The following ATP9B variants were observed in gnomAD, a reference collection of about 807,000 sequenced individuals.
The protein encoded by ATP9B is probable phospholipid-transporting ATPase IIB.
A neutral mutation model predicts 146.1 loss-of-function variants in ATP9B; 110 were observed. That is an observed-to-expected ratio of 0.75 (90% CI 0.65 to 0.88). ATP9B has a LOEUF of 0.88. Ranked by LOEUF, ATP9B falls within the 40% of genes least tolerant of loss-of-function variation. The pLI, the probability that ATP9B is intolerant of heterozygous loss-of-function variation, is 0.00. For missense variants in ATP9B, 1,499 were observed against 1,496.4 expected (o/e 1.00, Z -0.03); for synonymous variants, 604 against 569.7 (o/e 1.06, Z -0.86).
intron 19 of ATP9B, 85 bp downstream of exon 19, chr18:79,337,534 T>G: frequency 6.6e-7 from 1 of 1,513,230 alleles, no homozygotes; most frequent in Non-Finnish European, 8.8e-7. Context: ...TTTGTGAAAC[T>G]CCTGTGGGGT....
chr18:79,301,824 A>G (rs1599777225), intron 13 of ATP9B, among the ~76,000 whole-genome samples: 1 of 152,344 alleles, frequency 6.6e-6, no homozygotes, highest in East Asian at 1.9e-4. Flanking sequence ...GGAATTTTTA[A>G]AACTTTATTA....
intron 4 of ATP9B, among the ~76,000 whole-genome samples, chr18:79,118,120 T>C (rs2147086436): frequency 6.6e-6 from 1 of 152,298 alleles, no homozygotes; most frequent in Non-Finnish European, 1.5e-5. Flanking sequence ...AAGGAGACTT[T>C]GGGGTCGTTT....
In ATP9B at chr18:79,376,257, A is replaced by G. The variant is rs1034015384; in HGVS notation, c.3307+831A>G. On this transcript the variant is annotated intron_variant, in intron 29 of 29. Transcript: ENST00000426216. ...TGGCTAGCCTAGATCGTCCAAACAA[A>G]TCCCACAGGTTAGGTGAGCTGGTGT... is the stretch of plus-strand genomic sequence containing the variant. 4 of 984,570 alleles carry G rather than the reference A, an allele frequency of 4.1e-6. No individual in the cohort carries two copies. The African/African-American group carries it at 7.0e-5, about 17-fold the overall frequency. 61.0% of individuals were successfully genotyped at this position (984,570 alleles called of 1,614,324 possible).
intron 13 of ATP9B, among the ~76,000 whole-genome samples, chr18:79,288,827 C>T (rs2096470904): frequency 6.6e-6 from 1 of 152,136 alleles, no homozygotes; most frequent in East Asian, 1.9e-4. Context: ...CAAAATCTCT[C>T]AGCATTTGCT....
intron 13 of ATP9B, among the ~76,000 whole-genome samples, chr18:79,289,803 T>C (rs369376440): frequency 6.6e-6 from 1 of 152,224 alleles, no homozygotes; most frequent in Non-Finnish European, 1.5e-5. Flanking sequence ...GTGGATGTCC[T>C]TTCTGTTTGT....
chr18:79,209,794 C>T lies in ATP9B; in HGVS notation c.1030+2782C>T, dbSNP rs541150663. On this transcript the variant is annotated intron_variant, in intron 10 of 29. Coordinates refer to ENST00000426216, the MANE Select transcript of ATP9B (RefSeq NM_198531.5). ...TTAATTTCAGCTCTTTTAGTACATA[C>T]ATATCTTTATTTAAAAGCCTTGTTA... 41 of 492,826 alleles carry T rather than the reference C, an allele frequency of 8.3e-5. No individual in the cohort carries two copies. In the African/African-American group the frequency reaches 8.6e-4, roughly 10 times the overall value. The allele number at this position is 492,826 out of a possible 1,614,324, so 30.5% of individuals were successfully genotyped here.
intron 13 of ATP9B, chr18:79,300,029 A>G (rs926606568): frequency 6.6e-6 from 1 of 152,252 alleles, no homozygotes; most frequent in Admixed American, 6.5e-5. Flanking sequence ...ACTAAAAGCA[A>G]CGTACTAGAA....
intron 16 of ATP9B, among the ~76,000 whole-genome samples, chr18:79,329,684 A>T (rs2096779862): frequency 6.6e-6 from 1 of 152,218 alleles, no homozygotes. Flanking sequence ...AAACACCAAA[A>T]TCATATCTTG....
Position 79,377,363 on chromosome 18 carries a change from T to A in ATP9B, c.3424T>A (p.Tyr1142Asn). 6.2e-7 allele frequency: 1 copy of A among 1,609,458 alleles called. No homozygotes were observed. The highest frequency in any genetic ancestry group is 8.5e-7 in the Non-Finnish European group (1 of 1,179,986). ...GAGGCGCAAGCTCTCTCCTCCCAGC[T>A]ACTGCAAGCTGGCCTCCTAAGGGGC... ...YLRRKLSPPS[Y>N]CKLAS The change falls in exon 30 of 30, where the codon TAC (tyrosine) becomes AAC (asparagine). Residue 1142 changes from tyrosine (Y) to asparagine (N), a missense_variant. Coordinates refer to ENST00000426216, the MANE Select transcript of ATP9B (RefSeq NM_198531.5).
intron 12 of ATP9B, among the ~76,000 whole-genome samples, chr18:79,265,090 T>C (rs1470184139): frequency 6.6e-6 from 1 of 152,186 alleles, no homozygotes; most frequent in Non-Finnish European, 1.5e-5. Flanking sequence ...CAGGCCCCAG[T>C]GTGCGTTGTT....
At chr18:79,261,730 GA>G (rs1401186827) in intron 12 of ATP9B, among the ~76,000 whole-genome samples, 1 of 152,146 alleles carries the variant, frequency 6.6e-6, no homozygotes, top group East Asian at 1.9e-4. Flanking sequence ...GTAGCGTCAG[GA>G]AGGGTGAGAT....
At chr18:79,285,485 T>C (rs2096428312) in intron 13 of ATP9B, among the ~76,000 whole-genome samples, 1 of 152,182 alleles carries the variant, frequency 6.6e-6, no homozygotes, top group South Asian at 2.1e-4. Flanking sequence ...TCTTGTAAAT[T>C]TATTTGAGTT....
chr18:79,216,405 C>G (rs1217724736), intron 11 of ATP9B, among the ~76,000 whole-genome samples: 1 of 152,234 alleles, frequency 6.6e-6, no homozygotes, highest in Non-Finnish European at 1.5e-5. Flanking sequence ...CCACCCTCCC[C>G]TCTCTGAAGT....
chr18:79,215,512 C>T (rs1026848112), intron 11 of ATP9B, among the ~76,000 whole-genome samples: 4 of 138,604 alleles, frequency 2.9e-5, no homozygotes, highest in African/African-American at 5.7e-5. Flanking sequence ...TTTAGACTTA[C>T]ATTGCAGTTT....
chr18:79,119,337 A>G (rs1275525813), intron 4 of ATP9B, among the ~76,000 whole-genome samples: 2 of 152,232 alleles, frequency 1.3e-5, no homozygotes, highest in South Asian at 2.1e-4. Context: ...ACAAGCACAC[A>G]CACGTCTGTT....
intron 28 of ATP9B, among the ~76,000 whole-genome samples, chr18:79,374,819 C>T (rs902143528): frequency 3.3e-5 from 5 of 152,200 alleles, no homozygotes; most frequent in African/African-American, 1.2e-4. Flanking sequence ...AAAATTGGCT[C>T]TTAGAATATT....
At chr18:79,288,149 T>C (rs1433568203) in intron 13 of ATP9B, among the ~76,000 whole-genome samples, 72 of 151,670 alleles carry the variant, frequency 4.7e-4, no homozygotes, top group Non-Finnish European at 2.1e-4. Context: ...GGTGCAGAGC[T>C]GAGTTCAATT....
chr18:79,172,628 G>A (rs975716095), intron 7 of ATP9B, among the ~76,000 whole-genome samples: 3 of 151,776 alleles, frequency 2.0e-5, no homozygotes, highest in Non-Finnish European at 2.9e-5. Flanking sequence ...GATTACAGGC[G>A]TAGCCACCGT....
At chr18:79,350,359 A>G (rs2096916055) in intron 25 of ATP9B, among the ~76,000 whole-genome samples, 1 of 152,238 alleles carries the variant, frequency 6.6e-6, no homozygotes, top group African/African-American at 2.4e-5. Context: ...TGCCTGCTGT[A>G]ATCACTCAGG....
Sources: gnomAD v4.1 joint callset for allele counts (sites outside exome capture counted in the v4.1 genomes callset) on GRCh38, gnomAD v4.1.1 for gene constraint, MANE v1.5 for transcripts, NCBI Gene and HGNC (gene_info 2026-07-23, HGNC 2026-07-21) for gene names.